LSM14A: variants seen among roughly 807,000 people sequenced by gnomAD.
LSM14A encodes the protein protein LSM14 homolog A.
A neutral mutation model predicts 52.4 loss-of-function variants in LSM14A; 14 were observed. The observed-to-expected ratio is 0.27, with a 90% CI of 0.18 to 0.42. The LOEUF (loss-of-function observed/expected upper bound fraction) is 0.42, where lower values mean the gene tolerates loss of function less well. LSM14A is among the 10% of genes least tolerant of loss of function. The pLI is 1.00. For missense variants in LSM14A, 417 were observed against 581.8 expected, an observed-to-expected ratio of 0.72 and a Z score of 2.91; for synonymous variants, 185 against 200.3, an observed-to-expected ratio of 0.92 and a Z score of 0.64.
chr19:34,183,415 G>A (rs946304265), intron 1 of LSM14A, among the ~76,000 whole-genome samples: 10 of 152,256 alleles, frequency 6.6e-5, no homozygotes, highest in African/African-American at 2.4e-4. Context: ...GCCAGTCGTG[G>A]TGTTGTGCAC....
intron 1 of LSM14A, among the ~76,000 whole-genome samples, chr19:34,191,266 T>C (rs991694166): frequency 1.3e-5 from 2 of 152,212 alleles, no homozygotes; most frequent in Non-Finnish European, 2.9e-5. Flanking sequence ...TATCTGTTTT[T>C]CTTGTGAATG....
At chr19:34,192,698 G>T (rs1212060690) in intron 1 of LSM14A, among the ~76,000 whole-genome samples, 1 of 148,238 alleles carries the variant, frequency 6.7e-6, no homozygotes, top group Non-Finnish European at 1.5e-5. Flanking sequence ...AAGGGGGCCA[G>T]GCGCGGTAGC....
intron 1 of LSM14A, among the ~76,000 whole-genome samples, chr19:34,192,014 G>C (rs62895460): frequency 0.17 from 2 of 12 alleles, no homozygotes; most frequent in African/African-American, 0.5. Flanking sequence ...AAATTTCTCT[G>C]GGGGGCAGGA....
chr19:34,188,873 G>A lies in LSM14A; in HGVS notation c.122-5605G>A, dbSNP rs980344729. 4.6e-5 allele frequency among the ~76,000 whole-genome samples: 7 copies of A among 151,446 alleles called. 1 individual carries two copies. Among genetic ancestry groups the A allele is most frequent in the Middle Eastern group, 3.5e-3 (1 of 284 alleles). On this transcript the variant is annotated intron_variant, in intron 1 of 9. Transcript: ENST00000544216. ...ATAAGATATATAGAGATCATAATTT[G>A]TCTTTTGTTGATGGGCATTTGGGTT...
intron 3 of LSM14A, among the ~76,000 whole-genome samples, chr19:34,200,503 G>A (rs1389918969): frequency 6.6e-6 from 1 of 152,000 alleles, no homozygotes; most frequent in Non-Finnish European, 1.5e-5. Flanking sequence ...AAGTAAAAGG[G>A]CCAAATTGAT....
chr19:34,202,077 C>G lies in LSM14A; in HGVS notation c.415+5314C>G, dbSNP rs150858664. Reference sequence around the variant, plus strand: ...GTTCAGTCTGCCTGCCTCCGCCTCCCAAAGTGTTGGGAACCACCATGCCCA... The same window carrying G: ...GTTCAGTCTGCCTGCCTCCGCCTCCGAAAGTGTTGGGAACCACCATGCCCA... On this transcript the variant is annotated intron_variant, in intron 3 of 9. Transcript: ENST00000544216. Among the ~76,000 whole-genome samples the G allele has an allele frequency of 7.8e-3, 1,172 of 150,404 alleles. 16 individuals carry two copies. Among genetic ancestry groups the G allele is most frequent in the African/African-American group, 0.026 (1,080 of 40,912 alleles).
chr19:34,224,704 A>G (rs2073249472), intron 9 of LSM14A, among the ~76,000 whole-genome samples: 1 of 152,114 alleles, frequency 6.6e-6, no homozygotes. Flanking sequence ...CCTTTAACCT[A>G]TCTGATTCAA....
intron 3 of LSM14A, among the ~76,000 whole-genome samples, chr19:34,201,394 G>A (rs1360430029): frequency 6.6e-6 from 1 of 152,190 alleles, no homozygotes; most frequent in African/African-American, 2.4e-5. Context: ...CCAGGCTAGA[G>A]TGCAGTGGTG....
At chr19:34,198,536 A>C (rs1005210517) in intron 3 of LSM14A, among the ~76,000 whole-genome samples, 1 of 152,264 alleles carries the variant, frequency 6.6e-6, no homozygotes, top group East Asian at 1.9e-4. Context: ...GAATCGCTTG[A>C]ACCTGTGAGG....
At chr19:34,175,522 G>C (rs1010613631) in intron 1 of LSM14A, among the ~76,000 whole-genome samples, 1 of 152,128 alleles carries the variant, frequency 6.6e-6, no homozygotes, top group Non-Finnish European at 1.5e-5. Context: ...ATGAGCCACC[G>C]CACCCGGCTG....
At chr19:34,221,028 G>A (rs189618368) in intron 8 of LSM14A, among the ~76,000 whole-genome samples, 1 of 151,348 alleles carries the variant, frequency 6.6e-6, no homozygotes, top group East Asian at 1.9e-4. Flanking sequence ...AATATTACAG[G>A]AACATATTGA....
chr19:34,224,863 G>C (rs2073258642), intron 9 of LSM14A, among the ~76,000 whole-genome samples: 1 of 152,140 alleles, frequency 6.6e-6, no homozygotes, highest in African/African-American at 2.4e-5. Context: ...CCCTTTTGAT[G>C]TTTACATTTT....
At chr19:34,219,997 T>A (rs1276433186) in intron 8 of LSM14A, 120 bp downstream of exon 8, 16 of 742,844 alleles carry the variant, frequency 2.2e-5, no homozygotes, top group Non-Finnish European at 2.4e-5. Context: ...TTTGAGACAG[T>A]CTTACTCTGT....
intron 3 of LSM14A, among the ~76,000 whole-genome samples, chr19:34,201,836 T>A (rs1345817970): frequency 1.3e-5 from 2 of 152,178 alleles, no homozygotes; most frequent in Admixed American, 1.3e-4. Context: ...TTTATTTATT[T>A]TTTGAGACAG....
intron 1 of LSM14A, among the ~76,000 whole-genome samples, chr19:34,173,317 C>T (rs1265182174): frequency 6.6e-6 from 1 of 152,218 alleles, no homozygotes; most frequent in African/African-American, 2.4e-5. Flanking sequence ...TCTCCCTCGG[C>T]TCATCCTCTG....
intron 1 of LSM14A, among the ~76,000 whole-genome samples, chr19:34,186,538 G>A (rs1000065349): frequency 2.0e-5 from 3 of 152,082 alleles, no homozygotes; most frequent in African/African-American, 7.2e-5. Flanking sequence ...AATTCCTTAA[G>A]TCTCTTTCTG....
intron 1 of LSM14A, 41 bp downstream of exon 1, chr19:34,172,804 G>T (rs1333688320): frequency 6.5e-7 from 1 of 1,533,432 alleles, no homozygotes; most frequent in Non-Finnish European, 8.7e-7. Flanking sequence ...CGAGCCGGGC[G>T]CCGCTCGGGG....
chr19:34,175,403 GTA>G (rs2069013446), intron 1 of LSM14A, among the ~76,000 whole-genome samples: 1 of 151,874 alleles, frequency 6.6e-6, no homozygotes, highest in Non-Finnish European at 1.5e-5. Flanking sequence ...GCTAATTTTT[GTA>G]TTTTTTAGTT....
At chr19:34,211,786 T>TCC (rs199940358) in intron 4 of LSM14A, among the ~76,000 whole-genome samples, 8 of 144,730 alleles carry the variant, frequency 5.5e-5, no homozygotes, top group African/African-American at 2.1e-4. Flanking sequence ...CAAGACCCTG[T>TCC]CCCCCCCCAA....
Sources: allele counts gnomAD v4.1 joint callset (sites outside exome capture counted in the v4.1 genomes callset), GRCh38; gene constraint gnomAD v4.1.1; transcripts MANE v1.5; gene names NCBI Gene and HGNC (gene_info 2026-07-23, HGNC 2026-07-21).